The following KIAA0232 variants were observed in gnomAD, a reference collection of about 807,000 sequenced individuals.
KIAA0232 encodes KIAA0232.
In KIAA0232, 27 loss-of-function variants were observed where a neutral mutation model predicts 122.0. The ratio of observed to expected loss-of-function variants is 0.22; its 90% confidence interval spans 0.16 to 0.31. The LOEUF is 0.31. Ranked by LOEUF, KIAA0232 falls within the 10% of genes least tolerant of loss-of-function variation. The probability of loss-of-function intolerance (pLI) is 1.00; values close to 1 mark genes in which losing one functional copy is unlikely to be tolerated. For missense variants in KIAA0232, 1,551 were observed against 1,634.2 expected (o/e 0.95, Z 0.88); for synonymous variants, 613 against 587.6 (o/e 1.04, Z -0.63).
At chr4:6,805,812 G>A (rs1178892955) in intron 2 of KIAA0232, among the ~76,000 whole-genome samples, 1 of 152,020 alleles carries the variant, frequency 6.6e-6, no homozygotes, top group Admixed American at 6.6e-5. Context: ...TTTTTTCCAA[G>A]TAAGCTTAGG....
chr4:6,854,255 T>C (rs1417508025), intron 4 of KIAA0232, among the ~76,000 whole-genome samples: 1 of 152,156 alleles, frequency 6.6e-6, no homozygotes, highest in Non-Finnish European at 1.5e-5. Flanking sequence ...TAGCTTTTTT[T>C]TACTGAATCT....
intron 2 of KIAA0232, among the ~76,000 whole-genome samples, chr4:6,808,628 G>A (rs1236238312): frequency 6.6e-6 from 1 of 151,936 alleles, no homozygotes; most frequent in South Asian, 2.1e-4. Flanking sequence ...CAGGCACAGT[G>A]CCTTGTACAC....
At chr4:6,823,349 G>A (rs1482992483) in intron 2 of KIAA0232, among the ~76,000 whole-genome samples, 3 of 152,016 alleles carry the variant, frequency 2.0e-5, no homozygotes, top group Non-Finnish European at 2.9e-5. Context: ...CTGAGGAATC[G>A]CCACACTGAC....
At chr4:6,833,250 T>G (rs945618814) in intron 3 of KIAA0232, among the ~76,000 whole-genome samples, 3 of 152,234 alleles carry the variant, frequency 2.0e-5, no homozygotes, top group African/African-American at 4.8e-5. Flanking sequence ...TTAAATAACC[T>G]TCTACATCAC....
At chr4:6,825,858 G>A (rs1043144867) in intron 3 of KIAA0232, among the ~76,000 whole-genome samples, 1 of 152,148 alleles carries the variant, frequency 6.6e-6, no homozygotes, top group East Asian at 1.9e-4. Flanking sequence ...AGCAGGAAGG[G>A]TTTCATTGTC....
Position 6,883,808 on chromosome 4 carries a change from GACAT to G in KIAA0232, c.*2846_*2849del, listed in dbSNP as rs1722186644. 6.6e-6 allele frequency: 1 copy of G among 152,186 alleles called. No homozygotes were observed. Among genetic ancestry groups the G allele is most frequent in the Non-Finnish European group, 1.5e-5 (1 of 68,036 alleles). The allele number at this position is 152,186 out of a possible 1,614,324, so 9.4% of individuals were successfully genotyped here. On this transcript the variant is annotated 3_prime_UTR_variant, in exon 10 of 10. Coordinates refer to ENST00000307659, the MANE Select transcript of KIAA0232 (RefSeq NM_014743.3). Reference sequence around the variant, plus strand: ...CTCATATGTCCTTCTGTCACTCTGAGACATACACTGGTAACATCTGTGCAAGCCC... The same window carrying G: ...CTCATATGTCCTTCTGTCACTCTGAGACACTGGTAACATCTGTGCAAGCCC...
rs1028575383 is a variant in KIAA0232, at chr4:6,804,574, T to C, written c.-302T>C. The C allele has an allele frequency of 6.6e-6, 1 of 152,176 alleles. No homozygotes were observed. The highest frequency in any genetic ancestry group is 2.4e-5 in the African/African-American group (1 of 41,434). 9.4% of individuals were successfully genotyped at this position (152,176 alleles called of 1,614,324 possible). On this transcript the variant is annotated 5_prime_UTR_variant, in exon 2 of 10. Transcript: ENST00000307659. ...GCGGTGGACTCTGCCCCTGTAACCGTTCCGGAGAATGCGTTGAGAATGAAG... is the reference window on the plus strand; with the variant it reads ...GCGGTGGACTCTGCCCCTGTAACCGCTCCGGAGAATGCGTTGAGAATGAAG...
chr4:6,803,506 G>C (rs967082297), intron 1 of KIAA0232, among the ~76,000 whole-genome samples: 6 of 152,106 alleles, frequency 3.9e-5, no homozygotes, highest in African/African-American at 1.4e-4. Context: ...CTGGTAGTTA[G>C]AAAATACTTG....
intron 7 of KIAA0232, among the ~76,000 whole-genome samples, chr4:6,867,434 G>T (rs1721244344): frequency 6.6e-6 from 1 of 152,236 alleles, no homozygotes; most frequent in South Asian, 2.1e-4. Flanking sequence ...GGTCTCTGGA[G>T]TATAAGCCAT....
chr4:6,817,029 A>G (rs1414835892), intron 2 of KIAA0232, among the ~76,000 whole-genome samples: 1 of 151,714 alleles, frequency 6.6e-6, no homozygotes, highest in Non-Finnish European at 1.5e-5. Context: ...TTTTGGTTTT[A>G]TTGTTTTTCT....
In KIAA0232 at chr4:6,880,810, A is replaced by C; in HGVS notation, c.4032A>C (p.Arg1344Ser). The change falls in exon 10 of 10, where the codon AGA (arginine) becomes AGC (serine). Residue 1344 changes from arginine to serine, a missense_variant. By Grantham distance (110) the Arg-to-Ser change is moderately radical (BLOSUM62 -1). This residue lies in a region of KIAA0232 where 1,108 missense variants were observed against 1,154.8 expected (regional missense o/e 0.96). Transcript: ENST00000307659. The stretch of plus-strand genomic sequence containing the variant: ...AGGTGTCTTCTGTTTATGAAGCAAG[A>C]TGTACAGGAGAGAGAGATTCTGGAG... ...FNRVSSVYEA[R>S]CTGERDSGAK... 6.4e-7 allele frequency: 1 copy of C among 1,564,652 alleles called. No homozygotes were observed. Among genetic ancestry groups the C allele is most frequent in the Non-Finnish European group, 8.7e-7 (1 of 1,153,178 alleles).
Position 6,862,850 on chromosome 4 carries a change from G to T in KIAA0232, c.2468G>T (p.Gly823Val), listed in dbSNP as rs1720953349. Reference protein sequence around the residue: ...ESPHGDGYSSGVIKDIWTKMA... With the variant: ...ESPHGDGYSSVVIKDIWTKMA... ...CCACATGGAGATGGCTACAGCTCAG[G>T]GGTTATTAAAGACATTTGGACAAAG... is the stretch of plus-strand genomic sequence containing the variant. The change falls in exon 7 of 10, where the codon GGG (glycine) becomes GTG (valine). Residue 823 changes from glycine (G) to valine (V), a missense_variant. Gly to Val is a moderately radical substitution (Grantham distance 109, BLOSUM62 -3). Transcript: ENST00000307659. The T allele has an allele frequency of 6.2e-7, 1 of 1,614,180 alleles. No individual in the cohort carries two copies.
At position 6,861,022 on chromosome 4, in the gene KIAA0232, C is replaced by T; in HGVS notation, c.640C>T (p.Pro214Ser). Residue 214 changes from proline to serine, a missense_variant, in exon 7 of 10, where the codon CCA becomes TCA. Physicochemically the swap from Pro to Ser is moderately conservative, Grantham distance 74. Coordinates refer to ENST00000307659, the MANE Select transcript of KIAA0232 (RefSeq NM_014743.3). ...CTCTTCTTCATCATCCACAGCCCCA[C>T]CAGCTAGCACAGATACTTCCTCTCC... ...SSSSSSSTAP[P>S]ASTDTSSPKD... 1 of 1,614,202 alleles carries T rather than the reference C, an allele frequency of 6.2e-7. No individual in the cohort carries two copies. The highest frequency in any genetic ancestry group is 8.5e-7 in the Non-Finnish European group (1 of 1,180,028).
At chr4:6,823,901 A>G (rs1718542694) in intron 2 of KIAA0232, among the ~76,000 whole-genome samples, 1 of 152,132 alleles carries the variant, frequency 6.6e-6, no homozygotes, top group Non-Finnish European at 1.5e-5. Flanking sequence ...CGCAGGGGTT[A>G]TTCATAGGTA....
Position 6,884,146 on chromosome 4 carries a change from TA to T in KIAA0232, c.*3187del, listed in dbSNP as rs922715620. The T allele has an allele frequency of 2.6e-5, 4 of 151,830 alleles. No homozygotes were observed. Among genetic ancestry groups the T allele is most frequent in the African/African-American group, 4.8e-5 (2 of 41,352 alleles). The allele number at this position is 151,830 out of a possible 1,614,324, so 9.4% of individuals were successfully genotyped here. A position where few individuals can be genotyped will look rare whatever the true frequency, so the allele number is the denominator to read the frequency against. On this transcript the variant is annotated 3_prime_UTR_variant, in exon 10 of 10. Coordinates refer to ENST00000307659, the MANE Select transcript of KIAA0232 (RefSeq NM_014743.3). ...ATGGAAAATGGAATTAAAAGAAAAA[TA>T]AAAAAATATAAACTTTATTTCTCAA...
chr4:6,835,452 C>T (rs759529403), intron 3 of KIAA0232, among the ~76,000 whole-genome samples: 1 of 152,148 alleles, frequency 6.6e-6, no homozygotes, highest in Admixed American at 6.5e-5. Context: ...CAAGCCTTAC[C>T]CAAAGAATTA....
At chr4:6,784,921 TAAG>T (rs946390661) in intron 1 of KIAA0232, among the ~76,000 whole-genome samples, 7 of 151,968 alleles carry the variant, frequency 4.6e-5, no homozygotes, top group South Asian at 2.1e-4. Context: ...TGCAAACATT[TAAG>T]AAGATCAGAT....
At chr4:6,832,568 C>G (rs948509300) in intron 3 of KIAA0232, among the ~76,000 whole-genome samples, 3 of 152,104 alleles carry the variant, frequency 2.0e-5, no homozygotes, top group Non-Finnish European at 2.9e-5. Context: ...AGGCTGGTCT[C>G]GAGCTCCTGA....
In KIAA0232 at chr4:6,862,963, T is replaced by C. The variant is rs144840805; in HGVS notation, c.2581T>C (p.Cys861Arg). The change falls in exon 7 of 10, where the codon TGT becomes CGT. Residue 861 changes from cysteine (C) to arginine (R), a missense_variant. This residue lies in a region of KIAA0232 where 1,108 missense variants were observed against 1,154.8 expected (regional missense o/e 0.96). Coordinates refer to ENST00000307659, the MANE Select transcript of KIAA0232 (RefSeq NM_014743.3). ...GGCAGATGTAAATAACTACTGCTGCTGTCTAGATGCTGAAGCTGAACTGGA... is the reference window on the plus strand; with the variant it reads ...GGCAGATGTAAATAACTACTGCTGCCGTCTAGATGCTGAAGCTGAACTGGA... ...FSADVNNYCC[C>R]LDAEAELETL... The C allele has an allele frequency of 1.9e-3, 3,037 of 1,614,226 alleles. 60 individuals are homozygous for C. The Admixed American group carries it at 0.036, about 19-fold the overall frequency.
Sources: allele counts gnomAD v4.1 joint callset (sites outside exome capture counted in the v4.1 genomes callset), GRCh38; gene constraint gnomAD v4.1.1; regional missense constraint gnomAD v4.1.1; transcripts MANE v1.5; gene names NCBI Gene and HGNC (gene_info 2026-07-23, HGNC 2026-07-21).